GMPR: variants seen among roughly 807,000 people sequenced by gnomAD.
GMPR encodes GMP reductase 1.
In GMPR, 31 loss-of-function variants were observed where a neutral mutation model predicts 38.4. The observed-to-expected ratio is 0.81, with a 90% CI of 0.61 to 1.09. The LOEUF is 1.09. Ranked by LOEUF, GMPR falls within the 50% of genes least tolerant of loss-of-function variation. The pLI, the probability that GMPR is intolerant of heterozygous loss-of-function variation, is 0.00. For synonymous variants in GMPR, 162 were observed against 173.3 expected (o/e 0.93, Z 0.51); for missense variants, 468 against 453.7 (o/e 1.03, Z -0.29).
chr6:16,295,341 G>A lies in GMPR; in HGVS notation c.*155G>A. The A allele has an allele frequency of 3.6e-6, 2 of 549,808 alleles. No homozygotes were observed. The highest frequency in any genetic ancestry group is 3.5e-5 in the East Asian group (1 of 28,770). 34.1% of individuals were successfully genotyped at this position (549,808 alleles called of 1,614,324 possible). On this transcript the variant is annotated 3_prime_UTR_variant, in exon 9 of 9. Coordinates refer to ENST00000259727, the MANE Select transcript of GMPR (RefSeq NM_006877.4). ...TCTCCTGCTGCCTGGAGGCTTCGGG[G>A]CTCTCCCGCCTGCCTTCTCGGGGCC...
intron 7 of GMPR, among the ~76,000 whole-genome samples, chr6:16,289,062 T>G (rs1409697555): frequency 5.9e-5 from 9 of 152,192 alleles, no homozygotes; most frequent in African/African-American, 9.7e-5. Context: ...TCCTTTTCTT[T>G]GGGAGGGTGA....
chr6:16,263,247 C>A (rs1303179052), intron 4 of GMPR: 1 of 151,842 alleles, frequency 6.6e-6, no homozygotes, highest in Non-Finnish European at 1.5e-5. Flanking sequence ...AGACCATTTG[C>A]CCATTGTACG....
chr6:16,260,754 C>T (rs1325876668), intron 4 of GMPR, among the ~76,000 whole-genome samples: 3 of 151,866 alleles, frequency 2.0e-5, no homozygotes, highest in African/African-American at 7.2e-5. Flanking sequence ...ATAAATCAAG[C>T]GTGATCAGGG....
intron 4 of GMPR, among the ~76,000 whole-genome samples, chr6:16,272,900 G>C (rs1759410108): frequency 6.6e-6 from 1 of 152,052 alleles, no homozygotes; most frequent in Non-Finnish European, 1.5e-5. Context: ...CTGGGCTCGA[G>C]CAATCCACTT....
intron 7 of GMPR, 132 bp from the exon 8 acceptor site, chr6:16,290,330 G>A (rs1365916905): frequency 3.8e-6 from 3 of 795,812 alleles, no homozygotes; most frequent in African/African-American, 3.4e-5. Flanking sequence ...GGCGAGAGAG[G>A]TCCAGCCTTT....
At chr6:16,274,264 T>C (rs1171885616) in intron 4 of GMPR, 151 bp from the exon 5 acceptor site, 3 of 619,464 alleles carry the variant, frequency 4.8e-6, no homozygotes, top group Non-Finnish European at 8.7e-6. Context: ...CCAAAAGTGG[T>C]CTCCAGGTAT....
intron 8 of GMPR, among the ~76,000 whole-genome samples, chr6:16,291,107 G>A (rs1247062356): frequency 6.6e-6 from 1 of 152,268 alleles, no homozygotes; most frequent in South Asian, 2.1e-4. Flanking sequence ...AGCTCATACC[G>A]CTTCTCACCT....
intron 7 of GMPR, among the ~76,000 whole-genome samples, chr6:16,287,382 C>T (rs975816668): frequency 6.6e-6 from 1 of 152,150 alleles, no homozygotes; most frequent in Non-Finnish European, 1.5e-5. Context: ...AGTGACTGGT[C>T]GTTGAGAAGT....
At chr6:16,288,485 C>T (rs2113704612) in intron 7 of GMPR, among the ~76,000 whole-genome samples, 1 of 152,342 alleles carries the variant, frequency 6.6e-6, no homozygotes, top group East Asian at 1.9e-4. Flanking sequence ...CCTTAGCTGC[C>T]TCCCTGCGGG....
chr6:16,256,164 C>G (rs534351629), intron 4 of GMPR, among the ~76,000 whole-genome samples: 2 of 148,214 alleles, frequency 1.3e-5, no homozygotes, highest in Non-Finnish European at 3.0e-5. Context: ...TGCAGTGAGC[C>G]GAGATCACAC....
At chr6:16,240,724 T>G (rs1189645307) in intron 1 of GMPR, among the ~76,000 whole-genome samples, 1 of 152,240 alleles carries the variant, frequency 6.6e-6, no homozygotes, top group Non-Finnish European at 1.5e-5. Context: ...GGCTTCATAA[T>G]TTGGGCAGAT....
chr6:16,239,677 G>A (rs758363168), intron 1 of GMPR, among the ~76,000 whole-genome samples: 9 of 152,244 alleles, frequency 5.9e-5, no homozygotes, highest in Non-Finnish European at 1.2e-4. Context: ...AACCTGCACA[G>A]CTCCGTCCAC....
chr6:16,295,271 C>G lies in GMPR; in HGVS notation c.*85C>G. On this transcript the variant is annotated 3_prime_UTR_variant, in exon 9 of 9. Coordinates refer to ENST00000259727, the MANE Select transcript of GMPR (RefSeq NM_006877.4). Reference sequence around the variant, plus strand: ...TCCCCCCAAGTCTGTTCCGTCAGAGCTTCTGGCTGCTCCTGAATGGTGGAA... The same window carrying G: ...TCCCCCCAAGTCTGTTCCGTCAGAGGTTCTGGCTGCTCCTGAATGGTGGAA... The G allele has an allele frequency of 2.0e-6, 2 of 1,004,280 alleles. No homozygotes were observed. Among genetic ancestry groups the G allele is most frequent in the South Asian group, 3.8e-5 (2 of 52,034 alleles). The allele number at this position is 1,004,280 out of a possible 1,614,324, so 62.2% of individuals were successfully genotyped here.
chr6:16,274,392 C>T (rs759848366), intron 4 of GMPR, 23 bp from the exon 5 acceptor site: 1 of 1,421,438 alleles, frequency 7.0e-7, no homozygotes, highest in East Asian at 2.3e-5. Flanking sequence ...TCATGATCAT[C>T]AGCTGTATTC....
At chr6:16,266,495 C>CG (rs1759234256) in intron 4 of GMPR, among the ~76,000 whole-genome samples, 1 of 89,540 alleles carries the variant, frequency 1.1e-5, no homozygotes. Flanking sequence ...GCACGTCCGA[C>CG]GTGCCACCTT....
At chr6:16,289,186 G>C (rs80056946) in intron 7 of GMPR, among the ~76,000 whole-genome samples, 1 of 152,178 alleles carries the variant, frequency 6.6e-6, no homozygotes, top group Non-Finnish European at 1.5e-5. Flanking sequence ...TTTTGAGCTA[G>C]CGCAGACCCC....
At chr6:16,287,076 G>C (rs1424246195) in intron 7 of GMPR, among the ~76,000 whole-genome samples, 1 of 152,158 alleles carries the variant, frequency 6.6e-6, no homozygotes, top group Non-Finnish European at 1.5e-5. Context: ...CTGTGGAGAG[G>C]AATCTACAGA....
rs182596658 is a variant in GMPR at position 16,263,918 on chromosome 6, G to A, written c.465+9183G>A. ...CTCCTCTAGAAAAGTGGGACTTGCC[G>A]CTAAGTGTGAAGGAGAAGGGGTTGG... On this transcript the variant is annotated intron_variant, in intron 4 of 8. Coordinates refer to ENST00000259727, the MANE Select transcript of GMPR (RefSeq NM_006877.4). 2.2e-3 allele frequency among the ~76,000 whole-genome samples: 327 copies of A among 151,848 alleles called. 1 individual carries two copies. Among genetic ancestry groups the A allele is most frequent in the African/African-American group, 7.0e-3 (291 of 41,464 alleles).
At chr6:16,242,224 G>C (rs1299490343) in intron 1 of GMPR, among the ~76,000 whole-genome samples, 2 of 152,150 alleles carry the variant, frequency 1.3e-5, no homozygotes, top group Admixed American at 6.5e-5. Context: ...AAGAGTTCTG[G>C]TCTAGCTTTC....
Sources: gnomAD v4.1 joint callset for allele counts (sites outside exome capture counted in the v4.1 genomes callset) on GRCh38, gnomAD v4.1.1 for gene constraint, MANE v1.5 for transcripts, NCBI Gene and HGNC (gene_info 2026-07-23, HGNC 2026-07-21) for gene names.